The following TENM3 variants were observed in gnomAD, a reference collection of about 807,000 sequenced individuals.
The protein encoded by TENM3 is teneurin transmembrane protein 3, also known as teneurin-3.
TENM3 carries 63 observed loss-of-function variants against 255.1 expected under a neutral mutation model. The ratio of observed to expected loss-of-function variants is 0.25; its 90% CI spans 0.20 to 0.30. The LOEUF is 0.30. TENM3 is among the 10% of genes least tolerant of loss of function. The pLI is 1.00. For missense variants in TENM3, 2,929 were observed against 3,461.1 expected, an observed-to-expected ratio of 0.85 and a Z score of 3.86; for synonymous variants, 1,306 against 1,322.3, an observed-to-expected ratio of 0.99 and a Z score of 0.27.
chr4:182,058,728 T>C, the TENM3 span, among the ~76,000 whole-genome samples: 1 of 152,206 alleles, frequency 6.6e-6, no homozygotes, highest in Non-Finnish European at 1.5e-5. Context: ...AATTTATTTT[T>C]AGTGTTTCAT....
At chr4:181,707,396 A>T in the TENM3 span, among the ~76,000 whole-genome samples, 1 of 152,344 alleles carries the variant, frequency 6.6e-6, no homozygotes, top group Non-Finnish European at 1.5e-5. Context: ...GCAGAAGAAC[A>T]CCATCTTTAG....
At chr4:182,239,617 G>T (rs966899581), upstream of TENM3, among the ~76,000 whole-genome samples, 1 of 152,116 alleles carries the variant, frequency 6.6e-6, no homozygotes, top group Non-Finnish European at 1.5e-5. Flanking sequence ...AGATGATTTA[G>T]TTTTATAGAG....
At chr4:181,824,132 C>T in the TENM3 span, among the ~76,000 whole-genome samples, 2 of 152,072 alleles carry the variant, frequency 1.3e-5, no homozygotes, top group Non-Finnish European at 1.5e-5. Context: ...GATGGAGTCT[C>T]ACTCTGCCAC....
the TENM3 span, among the ~76,000 whole-genome samples, chr4:182,078,387 T>C: frequency 0.17 from 25,693 of 151,840 alleles, 2,262 homozygotes; most frequent in Middle Eastern, 0.33. Flanking sequence ...CCGGGCGTGG[T>C]GGTGTGCACC....
the TENM3 span, among the ~76,000 whole-genome samples, chr4:182,036,622 A>G: frequency 6.6e-5 from 10 of 152,254 alleles, no homozygotes; most frequent in African/African-American, 2.4e-4. Flanking sequence ...TATTACAAAC[A>G]CTTTTCAAAG....
chr4:182,530,138 C>T (rs1739622234), intron 3 of TENM3, among the ~76,000 whole-genome samples: 1 of 152,168 alleles, frequency 6.6e-6, no homozygotes, highest in Non-Finnish European at 1.5e-5. Context: ...ACATATTCAT[C>T]TCATAGTCAG....
intron 1 of TENM3, among the ~76,000 whole-genome samples, chr4:182,178,039 C>T (rs1329282785): frequency 1.4e-5 from 2 of 145,006 alleles, no homozygotes; most frequent in Non-Finnish European, 3.0e-5. Flanking sequence ...AGGATGTATG[C>T]ATCTTCCTAA....
the TENM3 span, among the ~76,000 whole-genome samples, chr4:182,111,189 C>CTTTTTTTTTTTTTT: frequency 1.2e-5 from 1 of 80,532 alleles, no homozygotes; most frequent in African/African-American, 5.3e-5. Flanking sequence ...GTCTTCTTCT[C>CTTTTTTTTTTTTTT]TTTTTTTTTT....
the TENM3 span, among the ~76,000 whole-genome samples, chr4:182,045,710 A>G: frequency 1.3e-5 from 2 of 152,298 alleles, no homozygotes; most frequent in African/African-American, 4.8e-5. Context: ...GAAGTTTATT[A>G]TTTCAATTTA....
chr4:181,929,501 C>T, the TENM3 span, among the ~76,000 whole-genome samples: 3 of 151,906 alleles, frequency 2.0e-5, no homozygotes, highest in Non-Finnish European at 2.9e-5. Context: ...ATATATATGC[C>T]CCCAATACAG....
chr4:181,826,272 C>T, the TENM3 span, among the ~76,000 whole-genome samples: 9 of 151,682 alleles, frequency 5.9e-5, no homozygotes, highest in South Asian at 4.2e-4. Context: ...AAAAATAAGC[C>T]GGAGAAAAAG....
chr4:181,666,666 G>C, the TENM3 span, among the ~76,000 whole-genome samples: 3 of 152,194 alleles, frequency 2.0e-5, no homozygotes, highest in African/African-American at 7.2e-5. Context: ...CTCAACAGTA[G>C]CTGCAGCAAT....
intron 3 of TENM3, among the ~76,000 whole-genome samples, chr4:182,524,352 CTTTTTTTTTTTTTTTTTT>C (rs138783384): frequency 1.7e-5 from 1 of 59,444 alleles, no homozygotes; most frequent in East Asian, 6.5e-4. Flanking sequence ...CACTGATGAG[CTTTTTTTTTTTTTTTTTT>C]TTTTTTTTTG....
chr4:182,784,123 A>AGGC (rs1408554054), intron 24 of TENM3, among the ~76,000 whole-genome samples: 2 of 152,032 alleles, frequency 1.3e-5, no homozygotes, highest in Non-Finnish European at 1.5e-5. Flanking sequence ...GGAGGAGGAG[A>AGGC]GGCGCTCTGC....
At chr4:182,381,662 A>C (rs1448349619) in intron 3 of TENM3, among the ~76,000 whole-genome samples, 1 of 150,560 alleles carries the variant, frequency 6.6e-6, no homozygotes, top group Non-Finnish European at 1.5e-5. Context: ...CCAGCGTTCA[A>C]GTGATTCTCC....
At chr4:182,299,783 G>A (rs568035449) in intron 1 of TENM3, among the ~76,000 whole-genome samples, 2 of 152,206 alleles carry the variant, frequency 1.3e-5, no homozygotes, top group African/African-American at 2.4e-5. Context: ...CGGGGGGAGG[G>A]AGGGAAGGGT....
At chr4:182,051,461 T>C in the TENM3 span, among the ~76,000 whole-genome samples, 2 of 142,844 alleles carry the variant, frequency 1.4e-5, no homozygotes. Context: ...CACTGCAACC[T>C]CCGCCTCCTG....
intron 1 of TENM3, among the ~76,000 whole-genome samples, chr4:182,261,749 C>T (rs1284444592): frequency 6.6e-6 from 1 of 152,200 alleles, no homozygotes; most frequent in African/African-American, 2.4e-5. Flanking sequence ...TCCTAACGCA[C>T]CAGGATGTTG....
At chr4:181,694,050 T>A in the TENM3 span, among the ~76,000 whole-genome samples, 1 of 152,196 alleles carries the variant, frequency 6.6e-6, no homozygotes, top group Admixed American at 6.5e-5. Flanking sequence ...GGGATAATAA[T>A]AGTACCAATT....
Sources: allele counts gnomAD v4.1 joint callset (sites outside exome capture counted in the v4.1 genomes callset), GRCh38; gene constraint gnomAD v4.1.1; transcripts MANE v1.5; gene names NCBI Gene and HGNC (gene_info 2026-07-23, HGNC 2026-07-21).